Variants in CHCHD3 observed in about 807,000 individuals in gnomAD.
CHCHD3 encodes the protein coiled-coil-helix-coiled-coil-helix domain containing 3, also known as MICOS complex subunit MIC19.
CHCHD3 carries 20 observed loss-of-function variants against 38.2 expected under a neutral mutation model. The ratio of observed to expected loss-of-function variants is 0.52; its 90% CI spans 0.37 to 0.76. The LOEUF is 0.76. Ranked by LOEUF, CHCHD3 falls within the 30% of genes least tolerant of loss-of-function variation. The pLI, the probability that CHCHD3 is intolerant of heterozygous loss-of-function variation, is 0.00. For synonymous variants in CHCHD3, 82 were observed against 100.0 expected (o/e 0.82, Z 1.07); for missense variants, 245 against 279.2 (o/e 0.88, Z 0.87).
At chr7:132,999,973 G>C (rs1025805289) in intron 3 of CHCHD3, among the ~76,000 whole-genome samples, 3 of 152,068 alleles carry the variant, frequency 2.0e-5, no homozygotes, top group African/African-American at 7.2e-5. Flanking sequence ...ATCAAATATA[G>C]TATCATTCCT....
chr7:132,993,116 G>A (rs368911179), intron 3 of CHCHD3, among the ~76,000 whole-genome samples: 2 of 152,206 alleles, frequency 1.3e-5, no homozygotes, highest in East Asian at 3.9e-4. Flanking sequence ...AAGTTCATAA[G>A]GCTTTCTCTT....
chr7:132,856,726 A>G (rs1808349785), intron 5 of CHCHD3, among the ~76,000 whole-genome samples: 2 of 152,172 alleles, frequency 1.3e-5, no homozygotes, highest in South Asian at 4.1e-4. Context: ...TTATTAGGAA[A>G]TTGTTTGTCA....
At chr7:132,831,445 G>A (rs564280426) in intron 6 of CHCHD3, among the ~76,000 whole-genome samples, 2 of 152,148 alleles carry the variant, frequency 1.3e-5, no homozygotes, top group Non-Finnish European at 2.9e-5. Flanking sequence ...ATACGTGTTA[G>A]AGAAGATGTT....
At chr7:132,821,849 G>T (rs1186842992) in intron 6 of CHCHD3, among the ~76,000 whole-genome samples, 3 of 138,436 alleles carry the variant, frequency 2.2e-5, no homozygotes, top group Non-Finnish European at 4.5e-5. Flanking sequence ...TGCAAGCTCC[G>T]CTTCCCGGGT....
chr7:133,039,201 G>C (rs1252671308), intron 2 of CHCHD3, among the ~76,000 whole-genome samples: 2 of 152,110 alleles, frequency 1.3e-5, no homozygotes, highest in Admixed American at 1.3e-4. Flanking sequence ...ATACCTATTT[G>C]TGGGTATTCT....
intron 4 of CHCHD3, among the ~76,000 whole-genome samples, chr7:132,914,585 T>C (rs569225813): frequency 6.6e-6 from 1 of 152,208 alleles, no homozygotes; most frequent in South Asian, 2.1e-4. Flanking sequence ...AGACAACTCC[T>C]AAAATTCAAA....
At chr7:132,849,584 C>G (rs1808163802) in intron 5 of CHCHD3, 2 of 152,212 alleles carry the variant, frequency 1.3e-5, no homozygotes, top group South Asian at 4.1e-4. Flanking sequence ...AAACAAGACT[C>G]TCACTGGTTT....
chr7:133,066,865 C>A (rs1020014471), intron 2 of CHCHD3, among the ~76,000 whole-genome samples: 22 of 152,296 alleles, frequency 1.4e-4, no homozygotes, highest in South Asian at 8.3e-4. Flanking sequence ...ACAACGGGTT[C>A]TTTCCTTAGT....
intron 6 of CHCHD3, among the ~76,000 whole-genome samples, chr7:132,825,974 T>C (rs1807497944): frequency 6.6e-6 from 1 of 152,236 alleles, no homozygotes; most frequent in Non-Finnish European, 1.5e-5. Context: ...TGTCTGAACA[T>C]GTCTACTATA....
intron 5 of CHCHD3, among the ~76,000 whole-genome samples, chr7:132,850,652 T>G (rs1423213384): frequency 6.6e-6 from 1 of 152,148 alleles, no homozygotes; most frequent in Non-Finnish European, 1.5e-5. Context: ...TTTTTACTTC[T>G]ATTAATACTA....
At chr7:133,031,517 C>T (rs538028450) in intron 2 of CHCHD3, among the ~76,000 whole-genome samples, 93 of 151,610 alleles carry the variant, frequency 6.1e-4, no homozygotes, top group Non-Finnish European at 1.2e-3. Context: ...TTTGCATAAT[C>T]CTTACACTAT....
chr7:132,789,953 C>A (rs1031536478), intron 7 of CHCHD3, among the ~76,000 whole-genome samples: 8 of 152,106 alleles, frequency 5.3e-5, no homozygotes, highest in Admixed American at 2.6e-4. Flanking sequence ...AGGAAAAAGC[C>A]AGAATGAGAA....
chr7:132,929,338 C>G (rs891061688), intron 4 of CHCHD3, among the ~76,000 whole-genome samples: 1 of 152,134 alleles, frequency 6.6e-6, no homozygotes, highest in African/African-American at 2.4e-5. Flanking sequence ...CTTGAACACT[C>G]ATGGTTCATC....
chr7:132,800,943 G>A (rs1585525421), intron 6 of CHCHD3, among the ~76,000 whole-genome samples: 1 of 152,068 alleles, frequency 6.6e-6, no homozygotes, highest in South Asian at 2.1e-4. Context: ...ACTAAAAGCC[G>A]ACACACAACA....
chr7:133,002,085 A>T (rs1019096176), intron 3 of CHCHD3, among the ~76,000 whole-genome samples: 1 of 152,110 alleles, frequency 6.6e-6, no homozygotes, highest in Non-Finnish European at 1.5e-5. Flanking sequence ...AGAACTAGTA[A>T]CCCATGAAGC....
chr7:133,013,206 A>AAAG (rs35863843), intron 3 of CHCHD3, among the ~76,000 whole-genome samples: 33,921 of 108,076 alleles, frequency 0.31, 7,737 homozygotes, highest in African/African-American at 0.36. Flanking sequence ...AAAAAAAAAA[A>AAAG]CATTCAGACA....
intron 4 of CHCHD3, among the ~76,000 whole-genome samples, chr7:132,960,547 C>G (rs986070758): frequency 2.0e-5 from 3 of 152,100 alleles, no homozygotes; most frequent in African/African-American, 4.8e-5. Flanking sequence ...CTGTGCATGA[C>G]AGGGAATGAT....
At chr7:133,022,858 A>G (rs1813229546) in intron 3 of CHCHD3, among the ~76,000 whole-genome samples, 1 of 150,082 alleles carries the variant, frequency 6.7e-6, no homozygotes, top group African/African-American at 2.4e-5. Flanking sequence ...AAGAAGAAGA[A>G]AAAAAAAAAA....
intron 4 of CHCHD3, among the ~76,000 whole-genome samples, chr7:132,938,617 A>C (rs1175688604): frequency 6.8e-6 from 1 of 146,730 alleles, no homozygotes; most frequent in Non-Finnish European, 1.5e-5. Flanking sequence ...ATATTGTCTA[A>C]GGAAAAGTGC....
Sources: gnomAD v4.1 joint callset for allele counts (sites outside exome capture counted in the v4.1 genomes callset) on GRCh38, gnomAD v4.1.1 for gene constraint, MANE v1.5 for transcripts, NCBI Gene and HGNC (gene_info 2026-07-23, HGNC 2026-07-21) for gene names.